The following AKT3 variants were observed in gnomAD, a reference collection of about 807,000 sequenced individuals.
AKT3 encodes RAC-gamma serine/threonine-protein kinase.
In AKT3, 15 loss-of-function variants were observed where a neutral mutation model predicts 65.3. That is an observed-to-expected ratio of 0.23 (90% CI 0.15 to 0.35). The LOEUF (loss-of-function observed/expected upper bound fraction) is 0.35. Among genes scored for constraint, AKT3 ranks in the 10% least tolerant of loss-of-function variants. The pLI is 1.00. For synonymous variants in AKT3, 206 were observed against 183.8 expected, an observed-to-expected ratio of 1.12 and a Z score of -0.98; for missense variants, 243 against 576.5, an observed-to-expected ratio of 0.42 and a Z score of 5.92.
At chr1:243,605,750 A>G (rs780357516) in intron 8 of AKT3, among the ~76,000 whole-genome samples, 23 of 152,244 alleles carry the variant, frequency 1.5e-4, no homozygotes, top group Admixed American at 6.5e-5. Flanking sequence ...ACAGTCATGC[A>G]TTACTTAACA....
intron 2 of AKT3, among the ~76,000 whole-genome samples, chr1:243,719,282 T>C (rs1686724749): frequency 1.3e-5 from 2 of 152,208 alleles, no homozygotes; most frequent in Admixed American, 6.5e-5. Context: ...CTCCCAAAAT[T>C]ACTCTAATTT....
intron 2 of AKT3, among the ~76,000 whole-genome samples, chr1:243,819,359 G>A (rs1346363956): frequency 6.6e-6 from 1 of 152,212 alleles, no homozygotes; most frequent in Non-Finnish European, 1.5e-5. Flanking sequence ...CCACAGCAAG[G>A]ACAGCGGCTG....
chr1:243,810,636 A>C (rs1293070815), intron 2 of AKT3, among the ~76,000 whole-genome samples: 2 of 152,198 alleles, frequency 1.3e-5, no homozygotes, highest in South Asian at 2.1e-4. Flanking sequence ...AAACTATCCC[A>C]ATCAATAGAA....
intron 2 of AKT3, among the ~76,000 whole-genome samples, chr1:243,767,881 A>G (rs1274314823): frequency 6.6e-6 from 1 of 151,972 alleles, no homozygotes; most frequent in African/African-American, 2.4e-5. Flanking sequence ...CCCTAATTAT[A>G]TTTACTATTT....
chr1:243,827,097 A>G (rs1694217839), intron 2 of AKT3, among the ~76,000 whole-genome samples: 1 of 152,196 alleles, frequency 6.6e-6, no homozygotes, highest in East Asian at 1.9e-4. Flanking sequence ...GTATATTTCC[A>G]TCCAATTCAT....
In AKT3 at chr1:243,664,582, G is replaced by A. The variant is rs550036856; in HGVS notation, c.284+190C>T. ...AAGTATATCTTCTAGCATGCCCAGA[G>A]GTTCTGATATATTAAATATTATTTT... On this transcript the variant is annotated intron_variant, in intron 4 of 13. Transcript: ENST00000673466. 2.0e-5 allele frequency among the ~76,000 whole-genome samples: 3 copies of A among 152,022 alleles called. No individual in the cohort carries two copies. The East Asian group carries it at 5.8e-4, about 29-fold the overall frequency.
chr1:243,510,386 C>A lies in AKT3; in HGVS notation c.1354+1938G>T, dbSNP rs141915766. ...TCTCCAACCCACTGCATGTTAGTGG[C>A]GGAAATAGACACTAACCAAACAAAC... On this transcript the variant is annotated intron_variant, in intron 13 of 13. Transcript: ENST00000673466. 2.0e-5 allele frequency among the ~76,000 whole-genome samples: 3 copies of A among 152,242 alleles called. No homozygotes were observed. In the East Asian group the frequency reaches 5.8e-4, roughly 29 times the overall value.
rs993286981 is a variant in AKT3, at chr1:243,737,194, C to T, written c.47-41478G>A. ...AAGCCTTTCTTGGCTCTATCATACA[C>T]AAAATGTGAGTTTGGACAAGTCACT... On this transcript the variant is annotated intron_variant, in intron 2 of 13. Coordinates refer to ENST00000673466, the MANE Select transcript of AKT3 (RefSeq NM_005465.7). 6.4e-4 allele frequency among the ~76,000 whole-genome samples: 98 copies of T among 152,274 alleles called. 1 individual carries two copies. Among genetic ancestry groups the T allele is most frequent in the African/African-American group, 2.2e-3 (90 of 41,572 alleles).
At chr1:243,585,560 T>C (rs1380351025) in intron 8 of AKT3, among the ~76,000 whole-genome samples, 1 of 151,890 alleles carries the variant, frequency 6.6e-6, no homozygotes, top group Non-Finnish European at 1.5e-5. Flanking sequence ...CAATGGAACA[T>C]AATAGAGAGC....
chr1:243,671,179 G>A (rs1683134615), intron 3 of AKT3, among the ~76,000 whole-genome samples: 1 of 150,758 alleles, frequency 6.6e-6, no homozygotes, highest in African/African-American at 2.4e-5. Flanking sequence ...CCGGGTTCAT[G>A]CCATTCTCCT....
intron 6 of AKT3, among the ~76,000 whole-genome samples, chr1:243,619,827 T>C (rs1338484361): frequency 5.3e-5 from 5 of 94,610 alleles, no homozygotes; most frequent in African/African-American, 8.1e-5. Flanking sequence ...CTCCCCGATA[T>C]GATGATTTCC....
At chr1:243,727,519 G>A (rs1207825615) in intron 2 of AKT3, among the ~76,000 whole-genome samples, 1 of 152,088 alleles carries the variant, frequency 6.6e-6, no homozygotes. Flanking sequence ...GGCCTCAAAT[G>A]ATCCTCCCAC....
intron 6 of AKT3, among the ~76,000 whole-genome samples, chr1:243,631,259 A>G (rs1295664453): frequency 6.6e-6 from 1 of 152,178 alleles, no homozygotes; most frequent in African/African-American, 2.4e-5. Context: ...CTTGACGTTG[A>G]TGGCTGCTGA....
At chr1:243,810,887 A>T (rs1347784528) in intron 2 of AKT3, among the ~76,000 whole-genome samples, 1 of 152,228 alleles carries the variant, frequency 6.6e-6, no homozygotes, top group Non-Finnish European at 1.5e-5. Context: ...GCAAATCAAT[A>T]AAGTAATCCA....
chr1:243,788,805 G>GTTGGGGTGGCAGTTGCTGAAGT (rs1691434537), intron 2 of AKT3: 1 of 152,346 alleles, frequency 6.6e-6, no homozygotes, highest in African/African-American at 2.4e-5. Flanking sequence ...GTTGCTGAAG[G>GTTGGGGTGGCAGTTGCTGAAGT]TTAGAGTGGC....
Position 243,499,784 on chromosome 1 carries a change from G to A in AKT3, c.*5465C>T. 6.2e-7 allele frequency: 1 copy of A among 1,612,738 alleles called. No individual in the cohort carries two copies. The highest frequency in any genetic ancestry group is 8.5e-7 in the Non-Finnish European group (1 of 1,179,078). Reference sequence around the variant, plus strand: ...CCCAGCATGCCACAATCTGATTGCTGACCTGGATGGAACAGAGTGAAATAA... The same window carrying A: ...CCCAGCATGCCACAATCTGATTGCTAACCTGGATGGAACAGAGTGAAATAA... On this transcript the variant is annotated 3_prime_UTR_variant, in exon 14 of 14. Transcript: ENST00000673466.
intron 2 of AKT3, among the ~76,000 whole-genome samples, chr1:243,791,089 T>A (rs916509492): frequency 2.0e-5 from 3 of 152,174 alleles, no homozygotes; most frequent in African/African-American, 7.2e-5. Context: ...CGACTCAAGG[T>A]TGCCACAAAT....
At chr1:243,598,088 A>G (rs557273061) in intron 8 of AKT3, among the ~76,000 whole-genome samples, 1 of 152,314 alleles carries the variant, frequency 6.6e-6, no homozygotes, top group East Asian at 1.9e-4. Flanking sequence ...AAAATGAGAA[A>G]ATTATGACAG....
intron 4 of AKT3, among the ~76,000 whole-genome samples, chr1:243,664,426 G>A (rs368355857): frequency 4.6e-4 from 69 of 151,434 alleles, no homozygotes; most frequent in African/African-American, 1.4e-3. Flanking sequence ...GGATAGTCTC[G>A]ATCTCCTGAC....
Sources: allele counts gnomAD v4.1 joint callset (sites outside exome capture counted in the v4.1 genomes callset), GRCh38; gene constraint gnomAD v4.1.1; transcripts MANE v1.5; gene names NCBI Gene and HGNC (gene_info 2026-07-23, HGNC 2026-07-21).